The following CDK17 variants were observed in gnomAD, a reference collection of about 807,000 sequenced individuals.
CDK17 encodes cyclin-dependent kinase 17.
A neutral mutation model predicts 77.6 loss-of-function variants in CDK17; 24 were observed. That is an observed-to-expected ratio of 0.31 (90% CI 0.22 to 0.44). The LOEUF (loss-of-function observed/expected upper bound fraction) is 0.44. Ranked by LOEUF, CDK17 falls within the 20% of genes least tolerant of loss-of-function variation. The probability of loss-of-function intolerance (pLI) is 1.00; values close to 1 mark genes in which losing one functional copy is unlikely to be tolerated. For synonymous variants in CDK17, 203 were observed against 210.4 expected (o/e 0.96, Z 0.30); for missense variants, 429 against 622.5 (o/e 0.69, Z 3.31).
intron 1 of CDK17, among the ~76,000 whole-genome samples, chr12:96,381,226 C>T (rs942785290): frequency 1.3e-5 from 2 of 152,164 alleles, no homozygotes; most frequent in Non-Finnish European, 2.9e-5. Flanking sequence ...ATATAGATAA[C>T]ATTTCAAGGG....
chr12:96,312,864 A>G (rs1370254624), intron 4 of CDK17, among the ~76,000 whole-genome samples: 1 of 152,180 alleles, frequency 6.6e-6, no homozygotes, highest in East Asian at 1.9e-4. Context: ...CCACTTTTAT[A>G]ATATAATGCA....
chr12:96,375,842 T>C (rs1189128906), intron 1 of CDK17, among the ~76,000 whole-genome samples: 1 of 152,066 alleles, frequency 6.6e-6, no homozygotes, highest in African/African-American at 2.4e-5. Flanking sequence ...ACCTCTTTAT[T>C]AAGCTGCAGA....
chr12:96,348,169 G>C (rs1489527345), intron 1 of CDK17, among the ~76,000 whole-genome samples: 1 of 150,308 alleles, frequency 6.7e-6, no homozygotes, highest in East Asian at 1.9e-4. Context: ...GCAGAAAGAA[G>C]AAAATAATAA....
chr12:96,325,298 T>C (rs563693580), intron 2 of CDK17, among the ~76,000 whole-genome samples: 23 of 152,150 alleles, frequency 1.5e-4, no homozygotes, highest in Non-Finnish European at 2.8e-4. Flanking sequence ...GATCAGGGGA[T>C]TCCTTTTTAA....
Position 96,295,066 on chromosome 12 carries a change from C to T in CDK17, c.930G>A (p.Leu310=). The T allele has an allele frequency of 1.2e-6, 2 of 1,611,644 alleles. No homozygotes were observed. Among genetic ancestry groups the T allele is most frequent in the Middle Eastern group, 1.7e-4 (1 of 6,046 alleles). ...GGTTCTGTGGTTTCAAGTCTCGATG[C>T]AATACCTTTCTTCTATGGCAATATG... ...GLAYCHRRKV[L]HRDLKPQNLL... is the part of the protein sequence containing the mutation. Residue 310 remains leucine, a synonymous_variant, in exon 10 of 17, where the codon TTG becomes TTA. Transcript: ENST00000261211.
chr12:96,360,415 C>T (rs1406547217), intron 1 of CDK17, among the ~76,000 whole-genome samples: 1 of 152,134 alleles, frequency 6.6e-6, no homozygotes, highest in Admixed American at 6.5e-5. Context: ...AACAACTGAA[C>T]TAGAAAAACC....
chr12:96,316,682 C>T (rs1316169190), intron 3 of CDK17, among the ~76,000 whole-genome samples: 3 of 127,354 alleles, frequency 2.4e-5, no homozygotes, highest in Non-Finnish European at 5.0e-5. Flanking sequence ...GTGAGGCACC[C>T]CCCAGCAGGG....
intron 10 of CDK17, among the ~76,000 whole-genome samples, chr12:96,290,093 T>A (rs953162678): frequency 6.6e-6 from 1 of 152,198 alleles, no homozygotes; most frequent in African/African-American, 2.4e-5. Context: ...TTGGGCTGCA[T>A]TCAAAGCCAT....
At chr12:96,316,632 A>C (rs572186577) in intron 3 of CDK17, among the ~76,000 whole-genome samples, 1 of 132,752 alleles carries the variant, frequency 7.5e-6, no homozygotes, top group South Asian at 2.4e-4. Context: ...CTGCCTCCTC[A>C]AGTGGGTCCC....
At chr12:96,300,244 C>G (rs1952478429) in intron 6 of CDK17, 60 bp downstream of exon 6, 1 of 1,108,054 alleles carries the variant, frequency 9.0e-7, no homozygotes, top group Admixed American at 1.9e-5. Context: ...CGTGGAGTAA[C>G]AGAGTTTGAA....
chr12:96,342,538 G>A (rs1365319362), intron 1 of CDK17, among the ~76,000 whole-genome samples: 1 of 152,064 alleles, frequency 6.6e-6, no homozygotes, highest in Non-Finnish European at 1.5e-5. Flanking sequence ...CTCCAGCCCA[G>A]GTGACAGAGC....
intron 1 of CDK17, among the ~76,000 whole-genome samples, chr12:96,376,407 C>CT (rs1848907140): frequency 6.6e-6 from 1 of 152,320 alleles, no homozygotes; most frequent in Admixed American, 6.5e-5. Context: ...AACACTCCAA[C>CT]TTTGATGTTC....
At chr12:96,344,563 G>C (rs554541814) in intron 1 of CDK17, among the ~76,000 whole-genome samples, 8 of 152,172 alleles carry the variant, frequency 5.3e-5, no homozygotes, top group African/African-American at 1.9e-4. Context: ...AATCCAGAGA[G>C]AAAACAAAAA....
chr12:96,358,530 AAGG>A (rs1365166788), intron 1 of CDK17, among the ~76,000 whole-genome samples: 12 of 152,106 alleles, frequency 7.9e-5, no homozygotes, highest in Admixed American at 4.6e-4. Context: ...TAATAATAAA[AAGG>A]ATACAGGGGC....
At chr12:96,352,649 G>A (rs1297209630) in intron 1 of CDK17, among the ~76,000 whole-genome samples, 1 of 152,128 alleles carries the variant, frequency 6.6e-6, no homozygotes, top group African/African-American at 2.4e-5. Flanking sequence ...ATCCCAAACT[G>A]AACTGACTCA....
intron 12 of CDK17, 74 bp downstream of exon 12, chr12:96,286,590 A>AT: frequency 1.0e-6 from 1 of 1,004,256 alleles, no homozygotes; most frequent in Non-Finnish European, 1.5e-6. Flanking sequence ...TAAAATATGT[A>AT]TTTTAGAGAT....
chr12:96,393,793 AACATT>A (rs1411386622), intron 1 of CDK17, among the ~76,000 whole-genome samples: 7 of 152,306 alleles, frequency 4.6e-5, no homozygotes, highest in East Asian at 3.9e-4. Flanking sequence ...CACCAGAAAT[AACATT>A]ACAAGTCAAT....
chr12:96,299,828 C>A (rs1952472305), intron 6 of CDK17, among the ~76,000 whole-genome samples: 1 of 152,184 alleles, frequency 6.6e-6, no homozygotes, highest in Admixed American at 6.5e-5. Context: ...CTATTGTTTT[C>A]TTTGCCCTTT....
At chr12:96,347,211 G>A (rs1953228190) in intron 1 of CDK17, among the ~76,000 whole-genome samples, 1 of 152,032 alleles carries the variant, frequency 6.6e-6, no homozygotes, top group Admixed American at 6.5e-5. Context: ...AATAATAGAT[G>A]GAGACTTCAA....
Sources: gnomAD v4.1 joint callset for allele counts (sites outside exome capture counted in the v4.1 genomes callset) on GRCh38, gnomAD v4.1.1 for gene constraint, MANE v1.5 for transcripts, NCBI Gene and HGNC (gene_info 2026-07-23, HGNC 2026-07-21) for gene names.